Variants in DNM3 observed in about 807,000 individuals in gnomAD.
DNM3 encodes the protein dynamin-3.
DNM3 carries 47 observed loss-of-function variants against 101.6 expected under a neutral mutation model. The ratio of observed to expected loss-of-function variants is 0.46; its 90% CI spans 0.37 to 0.59. DNM3 has a LOEUF of 0.59. Ranked by LOEUF, DNM3 falls within the 20% of genes least tolerant of loss-of-function variation. The probability of loss-of-function intolerance (pLI) is 0.00; values close to 1 mark genes in which losing one functional copy is unlikely to be tolerated. For synonymous variants in DNM3, 385 were observed against 387.9 expected (o/e 0.99, Z 0.09); for missense variants, 849 against 1,085.7 (o/e 0.78, Z 3.06).
intron 14 of DNM3, among the ~76,000 whole-genome samples, chr1:172,230,883 T>G (rs958429681): frequency 6.6e-6 from 1 of 152,072 alleles, no homozygotes; most frequent in African/African-American, 2.4e-5. Context: ...TCCTGGTTTT[T>G]CCCATTCTAC....
chr1:172,227,325 C>T (rs556903683), intron 14 of DNM3, among the ~76,000 whole-genome samples: 5 of 110,804 alleles, frequency 4.5e-5, no homozygotes, highest in South Asian at 2.9e-4. Context: ...TTTATCCACT[C>T]GTCAGATGAT....
At chr1:172,111,905 G>A (rs934395289) in intron 13 of DNM3, among the ~76,000 whole-genome samples, 3 of 151,886 alleles carry the variant, frequency 2.0e-5, no homozygotes, top group Non-Finnish European at 4.4e-5. Flanking sequence ...AAGGTGTCAC[G>A]AGATCTTTTG....
At chr1:171,869,238 A>C (rs1030752077) in intron 1 of DNM3, among the ~76,000 whole-genome samples, 5 of 152,168 alleles carry the variant, frequency 3.3e-5, no homozygotes, top group African/African-American at 9.7e-5. Context: ...CTCTGAATTA[A>C]GGTATGTGAA....
In DNM3 at chr1:172,097,861, G is replaced by A. The variant is rs140487078; in HGVS notation, c.1545+4986G>A. ...GCTGGGTGTCCAGGGGAGATGTCAC[G>A]TGTTGGCAGGTTCTGTGATGCCCCC... On this transcript the variant is annotated intron_variant, in intron 13 of 20. Transcript: ENST00000627582. Among the ~76,000 whole-genome samples the A allele has an allele frequency of 1.2e-4, 19 of 152,234 alleles. No homozygotes were observed. In the East Asian group the frequency reaches 3.3e-3, roughly 26 times the overall value.
chr1:172,305,415 A>C (rs2064750396), intron 15 of DNM3, among the ~76,000 whole-genome samples: 1 of 152,234 alleles, frequency 6.6e-6, no homozygotes, highest in Non-Finnish European at 1.5e-5. Context: ...AAAAAAGTCC[A>C]AAACCAGACG....
At chr1:171,967,593 C>T (rs925895798) in intron 2 of DNM3, among the ~76,000 whole-genome samples, 1 of 152,084 alleles carries the variant, frequency 6.6e-6, no homozygotes, top group African/African-American at 2.4e-5. Context: ...GAGCACGCTC[C>T]CTAGAAATCT....
intron 2 of DNM3, among the ~76,000 whole-genome samples, chr1:171,965,562 A>T (rs1244816693): frequency 6.6e-6 from 1 of 151,942 alleles, no homozygotes; most frequent in Non-Finnish European, 1.5e-5. Flanking sequence ...AAAAAAAAAA[A>T]AAGGGTTGTT....
chr1:172,304,503 G>A (rs1287673990), intron 15 of DNM3, among the ~76,000 whole-genome samples: 1 of 151,998 alleles, frequency 6.6e-6, no homozygotes, highest in Non-Finnish European at 1.5e-5. Flanking sequence ...GGATATCAAG[G>A]AATTGAACTC....
At chr1:172,407,707 C>T in intron 20 of DNM3, 65 bp from the exon 21 acceptor site, 1 of 1,546,528 alleles carries the variant, frequency 6.5e-7, no homozygotes, top group Non-Finnish European at 8.9e-7. Context: ...TTCTCAGTGT[C>T]CTTGGAACAA....
chr1:172,253,026 G>C (rs961730460), intron 14 of DNM3, among the ~76,000 whole-genome samples: 1 of 152,000 alleles, frequency 6.6e-6, no homozygotes, highest in African/African-American at 2.4e-5. Context: ...CATAGTTTAT[G>C]GGGGGTATTT....
At chr1:172,328,775 C>T (rs1038074176) in intron 17 of DNM3, among the ~76,000 whole-genome samples, 1 of 152,142 alleles carries the variant, frequency 6.6e-6, no homozygotes, top group African/African-American at 2.4e-5. Flanking sequence ...TGCATATCTA[C>T]CCCCTGAGCC....
intron 2 of DNM3, among the ~76,000 whole-genome samples, chr1:171,931,230 T>A (rs1222068032): frequency 1.3e-5 from 2 of 152,192 alleles, no homozygotes; most frequent in Non-Finnish European, 2.9e-5. Flanking sequence ...TGGCAATGCC[T>A]TAAAAACTGA....
rs553032246 is a variant in DNM3, at chr1:172,378,872, G to A, written c.1894-146G>A. The A allele has an allele frequency of 8.2e-4, 755 of 918,278 alleles. 3 individuals carry two copies. The African/African-American group carries it at 0.011, about 14-fold the overall frequency. 56.9% of individuals were successfully genotyped at this position (918,278 alleles called of 1,614,324 possible). A position where few individuals can be genotyped will look rare whatever the true frequency, so the allele number is the denominator to read the frequency against. On this transcript the variant is annotated intron_variant, in intron 17 of 20. Coordinates refer to ENST00000627582, the MANE Select transcript of DNM3 (RefSeq NM_015569.5). ...GTTCCCCCATCTCCTTTCAGAACCA[G>A]TGGATGCATAAGATAAAAATGTTAC...
At chr1:171,969,240 T>TA (rs112324950) in intron 2 of DNM3, among the ~76,000 whole-genome samples, 11,805 of 152,080 alleles carry the variant, frequency 0.078, 1,484 homozygotes, top group African/African-American at 0.27. Flanking sequence ...ATGGGAACCA[T>TA]AAAAAATAGG....
rs575467760 is a variant in DNM3, at chr1:172,154,170, A to G, written c.1659+22882A>G. The stretch of plus-strand genomic sequence containing the variant: ...AGGTATGCTCTACAATGGTTTCCCA[A>G]ATGGAATCAGGTGAATAAACACATA... On this transcript the variant is annotated intron_variant, in intron 14 of 20. Coordinates refer to ENST00000627582, the MANE Select transcript of DNM3 (RefSeq NM_015569.5). Among the ~76,000 whole-genome samples, 3 of 152,208 alleles carry G rather than the reference A, an allele frequency of 2.0e-5. No individual in the cohort carries two copies. In the East Asian group the frequency reaches 5.8e-4, roughly 29 times the overall value.
At chr1:171,863,045 C>CTTT (rs35240856) in intron 1 of DNM3, among the ~76,000 whole-genome samples, 7 of 144,254 alleles carry the variant, frequency 4.9e-5, no homozygotes, top group South Asian at 2.2e-4. Flanking sequence ...GGAGGGTGTG[C>CTTT]TTTTTTTTTT....
intron 14 of DNM3, among the ~76,000 whole-genome samples, chr1:172,187,669 G>A (rs1310588838): frequency 3.9e-5 from 6 of 152,068 alleles, no homozygotes; most frequent in African/African-American, 1.2e-4. Context: ...GTGGGGTTGC[G>A]TGGCACTTGT....
chr1:172,388,424 C>T (rs2069325105), intron 19 of DNM3, 149 bp from the exon 20 acceptor site: 2 of 695,374 alleles, frequency 2.9e-6, no homozygotes, highest in East Asian at 5.4e-5. Context: ...TCTCCATTTA[C>T]CCTTTTATCC....
At chr1:172,118,000 A>G (rs1293402291) in intron 13 of DNM3, among the ~76,000 whole-genome samples, 1 of 152,294 alleles carries the variant, frequency 6.6e-6, no homozygotes, top group Admixed American at 6.5e-5. Flanking sequence ...AACTGACAGG[A>G]AAGTATGTTT....
Sources: allele counts gnomAD v4.1 joint callset (sites outside exome capture counted in the v4.1 genomes callset), GRCh38; gene constraint gnomAD v4.1.1; transcripts MANE v1.5; gene names NCBI Gene and HGNC (gene_info 2026-07-23, HGNC 2026-07-21).